Variants in RPH3A observed in about 807,000 individuals in gnomAD.
The protein encoded by RPH3A is rabphilin 3A.
In RPH3A, 48 loss-of-function variants were observed where a neutral mutation model predicts 102.2. The observed-to-expected ratio is 0.47, with a 90% CI of 0.37 to 0.60. The LOEUF is 0.60. Among genes scored for constraint, RPH3A ranks in the 20% least tolerant of loss-of-function variants. The probability of loss-of-function intolerance (pLI) is 0.00; values close to 1 mark genes in which losing one functional copy is unlikely to be tolerated. For synonymous variants in RPH3A, 310 were observed against 324.3 expected (o/e 0.96, Z 0.47); for missense variants, 781 against 910.1 (o/e 0.86, Z 1.83).
At chr12:112,712,948 CTTCTTCTTCTTCTTCT>C (rs1439830713) in intron 1 of RPH3A, among the ~76,000 whole-genome samples, 4 of 112,362 alleles carry the variant, frequency 3.6e-5, no homozygotes, top group African/African-American at 6.0e-5. Context: ...TCTTCTTCTT[CTTCTTCTTCTTCTTCT>C]TTCTTCTTCT....
intron 2 of RPH3A, among the ~76,000 whole-genome samples, chr12:112,801,773 T>A (rs957386085): frequency 6.6e-6 from 1 of 152,182 alleles, no homozygotes; most frequent in Non-Finnish European, 1.5e-5. Flanking sequence ...TCATTATTTA[T>A]CCTCTTTTTT....
chr12:112,876,021 C>G (rs2042792734), intron 12 of RPH3A, among the ~76,000 whole-genome samples: 1 of 152,170 alleles, frequency 6.6e-6, no homozygotes, highest in Admixed American at 6.5e-5. Flanking sequence ...ACTTAGCTTC[C>G]CTGAGCCTCA....
Position 112,818,339 on chromosome 12 carries a change from G to A in RPH3A, c.-18-9962G>A, listed in dbSNP as rs556987112. Among the ~76,000 whole-genome samples, 5 of 151,400 alleles carry A rather than the reference G, an allele frequency of 3.3e-5. No individual in the cohort carries two copies. In the South Asian group the frequency reaches 8.4e-4, roughly 25 times the overall value. On this transcript the variant is annotated intron_variant, in intron 2 of 21. Coordinates refer to ENST00000389385, the MANE Select transcript of RPH3A (RefSeq NM_001143854.2). ...AAAAAAAAAAAAAAAAAAGAAGGGT[G>A]GAGAGGGGACATATTGGTCCATAGT... is the stretch of plus-strand genomic sequence containing the variant.
intron 1 of RPH3A, among the ~76,000 whole-genome samples, chr12:112,715,820 A>G (rs2040510078): frequency 6.6e-6 from 1 of 152,230 alleles, no homozygotes; most frequent in African/African-American, 2.4e-5. Flanking sequence ...CAAGTTTACT[A>G]AGAAAGTAAT....
chr12:112,811,793 T>G (rs1209241588), intron 2 of RPH3A, among the ~76,000 whole-genome samples: 2 of 152,192 alleles, frequency 1.3e-5, no homozygotes, highest in African/African-American at 4.8e-5. Context: ...TCTGCATTCA[T>G]CATGACTATA....
At chr12:112,744,970 T>C (rs772302503) in intron 1 of RPH3A, among the ~76,000 whole-genome samples, 24 of 152,238 alleles carry the variant, frequency 1.6e-4, no homozygotes, top group Non-Finnish European at 2.6e-4. Context: ...AATCCACAGC[T>C]TATTTTCAAA....
At chr12:112,791,213 G>C (rs2041096446), upstream of RPH3A, 1 of 152,236 alleles carries the variant, frequency 6.6e-6, no homozygotes, top group Admixed American at 6.5e-5. Flanking sequence ...TGGGGGTGAG[G>C]ACAGGTCATC....
intron 1 of RPH3A, among the ~76,000 whole-genome samples, chr12:112,719,570 G>A (rs972629666): frequency 5.3e-5 from 8 of 152,268 alleles, no homozygotes; most frequent in Admixed American, 2.0e-4. Flanking sequence ...ACTCCATGAG[G>A]GCAGGGACCA....
chr12:112,795,019 G>T (rs1483001387), intron 2 of RPH3A, among the ~76,000 whole-genome samples: 1 of 152,218 alleles, frequency 6.6e-6, no homozygotes, highest in Non-Finnish European at 1.5e-5. Context: ...AGCCTGGAAA[G>T]TCAGTGCCCC....
intron 2 of RPH3A, among the ~76,000 whole-genome samples, chr12:112,816,632 C>T (rs761250803): frequency 6.6e-6 from 1 of 152,190 alleles, no homozygotes; most frequent in Non-Finnish European, 1.5e-5. Flanking sequence ...AATCTCACCA[C>T]ACAAGTCATT....
At chr12:112,824,059 G>A (rs1189346365) in intron 2 of RPH3A, among the ~76,000 whole-genome samples, 1 of 152,206 alleles carries the variant, frequency 6.6e-6, no homozygotes, top group East Asian at 1.9e-4. Flanking sequence ...CCTGAGATGT[G>A]CATTCTTGTA....
intron 10 of RPH3A, among the ~76,000 whole-genome samples, chr12:112,870,679 T>A (rs546242203): frequency 6.6e-6 from 1 of 152,206 alleles, no homozygotes; most frequent in African/African-American, 2.4e-5. Flanking sequence ...CTAAGTCAGA[T>A]TGGCTGAATA....
chr12:112,852,805 G>A (rs180969593), intron 5 of RPH3A, among the ~76,000 whole-genome samples: 1 of 152,296 alleles, frequency 6.6e-6, no homozygotes, highest in Admixed American at 6.5e-5. Context: ...TCCAAAATTG[G>A]TTTGCATTTC....
chr12:112,743,941 G>T (rs2040726806), intron 1 of RPH3A, among the ~76,000 whole-genome samples: 1 of 152,186 alleles, frequency 6.6e-6, no homozygotes, highest in Non-Finnish European at 1.5e-5. Context: ...CTCAGGCTCT[G>T]AGCCTGATTA....
rs571013740 is a variant in RPH3A, at chr12:112,670,952, T to C, written c.-140+95633T>C. 2.0e-5 allele frequency among the ~76,000 whole-genome samples: 3 copies of C among 152,128 alleles called. No individual in the cohort carries two copies. In the East Asian group the frequency reaches 5.8e-4, roughly 29 times the overall value. ...AAAATCGTGTTGCAAAGGGCGTGCA[T>C]ATAGGGAGAACATTAACTAGGACCA... On this transcript the variant is annotated intron_variant, in intron 1 of 21. Transcript: ENST00000543106.
At chr12:112,609,966 C>T (rs1259281827) in intron 1 of RPH3A, among the ~76,000 whole-genome samples, 2 of 152,168 alleles carry the variant, frequency 1.3e-5, no homozygotes, top group African/African-American at 4.8e-5. Flanking sequence ...TCAATGGCTT[C>T]CTATTGCTTT....
At chr12:112,606,482 A>G (rs2039597803) in intron 1 of RPH3A, among the ~76,000 whole-genome samples, 1 of 152,080 alleles carries the variant, frequency 6.6e-6, no homozygotes, top group South Asian at 2.1e-4. Context: ...CCCAGTCTCA[A>G]GCAATTCTTG....
At chr12:112,664,703 AT>A (rs2040072511) in intron 1 of RPH3A, among the ~76,000 whole-genome samples, 1 of 152,118 alleles carries the variant, frequency 6.6e-6, no homozygotes, top group Non-Finnish European at 1.5e-5. Flanking sequence ...AAGAGAGGTC[AT>A]CCGCTGGTAA....
At chr12:112,818,302 A>C (rs1470145826) in intron 2 of RPH3A, among the ~76,000 whole-genome samples, 1 of 148,078 alleles carries the variant, frequency 6.8e-6, no homozygotes, top group Non-Finnish European at 1.5e-5. Flanking sequence ...CTGTCTCAAG[A>C]AGAATAAAAA....
Sources: allele counts gnomAD v4.1 joint callset (sites outside exome capture counted in the v4.1 genomes callset), GRCh38; gene constraint gnomAD v4.1.1; transcripts MANE v1.5; gene names NCBI Gene and HGNC (gene_info 2026-07-23, HGNC 2026-07-21).